The following CBLB variants were observed in gnomAD, a reference collection of about 807,000 sequenced individuals.
The protein encoded by CBLB is Cbl proto-oncogene B.
In CBLB, 31 loss-of-function variants were observed where a neutral mutation model predicts 104.9. The observed-to-expected ratio is 0.30, with a 90% CI of 0.22 to 0.40. The LOEUF (loss-of-function observed/expected upper bound fraction) is 0.40. Among genes scored for constraint, CBLB ranks in the 10% least tolerant of loss-of-function variants. The pLI is 1.00. For missense variants in CBLB, 1,062 were observed against 1,214.6 expected, an observed-to-expected ratio of 0.87 and a Z score of 1.87; for synonymous variants, 440 against 422.6, an observed-to-expected ratio of 1.04 and a Z score of -0.51.
intron 2 of CBLB, among the ~76,000 whole-genome samples, chr3:105,859,368 T>C (rs1234295014): frequency 1.3e-5 from 2 of 152,164 alleles, no homozygotes; most frequent in Non-Finnish European, 2.9e-5. Flanking sequence ...TAGAAAGCCC[T>C]GGGCTAGGCG....
chr3:105,800,086 T>G (rs1353425318), intron 3 of CBLB, among the ~76,000 whole-genome samples: 1 of 152,188 alleles, frequency 6.6e-6, no homozygotes. Context: ...TAGTTGTGGT[T>G]CTGTGGATCT....
intron 3 of CBLB, among the ~76,000 whole-genome samples, chr3:105,807,393 G>C (rs1485062550): frequency 6.6e-6 from 1 of 152,174 alleles, no homozygotes; most frequent in Non-Finnish European, 1.5e-5. Context: ...CTCGTAGGTA[G>C]AGATATTCTG....
chr3:105,833,105 G>T (rs890965700), intron 3 of CBLB, among the ~76,000 whole-genome samples: 3 of 152,164 alleles, frequency 2.0e-5, no homozygotes, highest in Middle Eastern at 3.2e-3. Context: ...GGAGAGTGTC[G>T]TGAAATGAAT....
intron 3 of CBLB, among the ~76,000 whole-genome samples, chr3:105,836,491 C>T (rs1560464737): frequency 6.6e-6 from 1 of 152,056 alleles, no homozygotes; most frequent in African/African-American, 2.4e-5. Context: ...ATGAGCACCC[C>T]GCAGAGGCAA....
chr3:105,663,924 C>G lies in CBLB; in HGVS notation c.2690-4695G>C, dbSNP rs61294672. 2.1e-5 allele frequency among the ~76,000 whole-genome samples: 3 copies of G among 142,808 alleles called. No individual in the cohort carries two copies. The East Asian group carries it at 6.0e-4, about 29-fold the overall frequency. The allele number at this position is 142,808 out of a possible 152,430, so 93.7% of individuals were successfully genotyped here. On this transcript the variant is annotated intron_variant, in intron 18 of 18. Coordinates refer to ENST00000394030, the MANE Select transcript of CBLB (RefSeq NM_170662.5). ...TTATTAGGAAAAAAAAAAAAAGTGT[C>G]CAAAAGGCCCGTAGGCAGACCATAT...
At chr3:105,745,267 C>G (rs2075995298) in intron 6 of CBLB, among the ~76,000 whole-genome samples, 1 of 152,214 alleles carries the variant, frequency 6.6e-6, no homozygotes, top group African/African-American at 2.4e-5. Flanking sequence ...GACAGATTTT[C>G]TGGATCCAGA....
intron 3 of CBLB, among the ~76,000 whole-genome samples, chr3:105,852,307 G>A (rs567338100): frequency 3.2e-4 from 48 of 152,264 alleles, no homozygotes; most frequent in African/African-American, 1.1e-3. Flanking sequence ...AAGATGTGGA[G>A]GTGGAAGACA....
Position 105,815,809 on chromosome 3 carries a change from T to C in CBLB, c.419+37605A>G, listed in dbSNP as rs561603395. ...TGGAACCAACCCAAATGCCCATCAA[T>C]GTTAGACTAGATAAAGAAAATGTGG... On this transcript the variant is annotated intron_variant, in intron 3 of 18. Coordinates refer to ENST00000394030, the MANE Select transcript of CBLB (RefSeq NM_170662.5). Among the ~76,000 whole-genome samples, 5 of 152,294 alleles carry C rather than the reference T, an allele frequency of 3.3e-5. No homozygotes were observed. The South Asian group carries it at 1.0e-3, about 32-fold the overall frequency.
chr3:105,860,733 A>C (rs577604829), intron 2 of CBLB, among the ~76,000 whole-genome samples: 22 of 152,204 alleles, frequency 1.4e-4, no homozygotes, highest in Non-Finnish European at 2.6e-4. Context: ...GACCAAGGGC[A>C]CTGAACAGTT....
At chr3:105,669,684 G>A (rs2064859218) in intron 18 of CBLB, among the ~76,000 whole-genome samples, 1 of 152,128 alleles carries the variant, frequency 6.6e-6, no homozygotes, top group Non-Finnish European at 1.5e-5. Context: ...GAAAATAACT[G>A]CAGAAGATAG....
intron 10 of CBLB, among the ~76,000 whole-genome samples, chr3:105,709,816 T>G (rs1318551328): frequency 1.3e-5 from 2 of 151,928 alleles, no homozygotes; most frequent in African/African-American, 4.8e-5. Flanking sequence ...TTAAGGCTCT[T>G]TTGCTGTCCA....
At chr3:105,847,284 T>C (rs1194952548) in intron 3 of CBLB, among the ~76,000 whole-genome samples, 1 of 151,852 alleles carries the variant, frequency 6.6e-6, no homozygotes, top group African/African-American at 2.4e-5. Flanking sequence ...TGGAGAAAAA[T>C]ATTTCTGCCG....
intron 4 of CBLB, among the ~76,000 whole-genome samples, chr3:105,766,874 T>C (rs1345924028): frequency 6.6e-6 from 1 of 152,196 alleles, no homozygotes; most frequent in East Asian, 1.9e-4. Context: ...TTTGTGATAT[T>C]CTTTATGTGA....
At chr3:105,864,581 C>A (rs1326625371) in intron 2 of CBLB, among the ~76,000 whole-genome samples, 2 of 152,166 alleles carry the variant, frequency 1.3e-5, no homozygotes, top group African/African-American at 4.8e-5. Context: ...ATGCTACTAT[C>A]TACTATTCTT....
intron 6 of CBLB, among the ~76,000 whole-genome samples, chr3:105,744,633 A>T (rs2075926562): frequency 6.7e-6 from 1 of 149,130 alleles, no homozygotes; most frequent in South Asian, 2.1e-4. Flanking sequence ...GCTTGCACTT[A>T]AAAAAAAAAC....
At chr3:105,859,610 G>A (rs560630131) in intron 2 of CBLB, among the ~76,000 whole-genome samples, 6 of 146,056 alleles carry the variant, frequency 4.1e-5, no homozygotes, top group South Asian at 4.3e-4. Flanking sequence ...AGCCGAGATC[G>A]TGCCACTGCA....
At chr3:105,756,675 A>C (rs2077109469) in intron 4 of CBLB, among the ~76,000 whole-genome samples, 1 of 152,222 alleles carries the variant, frequency 6.6e-6, no homozygotes, top group Non-Finnish European at 1.5e-5. Flanking sequence ...AGGAACATTA[A>C]CAAGTATGTA....
intron 5 of CBLB, 69 bp downstream of exon 5, chr3:105,751,393 A>G: frequency 9.4e-7 from 1 of 1,065,440 alleles, no homozygotes; most frequent in South Asian, 1.3e-5. Context: ...ACAGAGAGAG[A>G]GAGAAACAGA....
At chr3:105,783,290 AC>A (rs1330551554) in intron 3 of CBLB, among the ~76,000 whole-genome samples, 9 of 152,166 alleles carry the variant, frequency 5.9e-5, no homozygotes, top group African/African-American at 1.4e-4. Flanking sequence ...TTTTTTGAAA[AC>A]CTTCAATAAG....
Sources: gnomAD v4.1 joint callset for allele counts (sites outside exome capture counted in the v4.1 genomes callset) on GRCh38, gnomAD v4.1.1 for gene constraint, MANE v1.5 for transcripts, NCBI Gene and HGNC (gene_info 2026-07-23, HGNC 2026-07-21) for gene names.